TMTC2: variants seen among roughly 807,000 people sequenced by gnomAD.
The protein encoded by TMTC2 is protein O-mannosyl-transferase TMTC2.
In TMTC2, 43 loss-of-function variants were observed where a neutral mutation model predicts 82.4. The observed-to-expected ratio is 0.52, with a 90% CI of 0.41 to 0.67. The LOEUF is 0.67. Among genes scored for constraint, TMTC2 ranks in the 30% least tolerant of loss-of-function variants. The pLI, the probability that TMTC2 is intolerant of heterozygous loss-of-function variation, is 0.00. For missense variants in TMTC2, 919 were observed against 1,012.4 expected (o/e 0.91, Z 1.25); for synonymous variants, 408 against 381.9 (o/e 1.07, Z -0.80).
chr12:82,742,209 T>G (rs1464287612), intron 1 of TMTC2, among the ~76,000 whole-genome samples: 1 of 152,134 alleles, frequency 6.6e-6, no homozygotes, highest in Non-Finnish European at 1.5e-5. Flanking sequence ...TCTGCATCCT[T>G]ATGACCCAAA....
chr12:82,778,677 G>C (rs1473171839), intron 1 of TMTC2, among the ~76,000 whole-genome samples: 1 of 151,530 alleles, frequency 6.6e-6, no homozygotes, highest in African/African-American at 2.4e-5. Context: ...GTGAAACCCC[G>C]TCTCTACTAA....
intron 11 of TMTC2, among the ~76,000 whole-genome samples, chr12:83,129,826 G>T (rs1005620536): frequency 6.6e-6 from 1 of 152,134 alleles, no homozygotes; most frequent in Admixed American, 6.5e-5. Context: ...ATTTGTAAAG[G>T]AAACTGAGAT....
chr12:82,751,527 T>A (rs11115382), intron 1 of TMTC2, among the ~76,000 whole-genome samples: 1,968 of 152,048 alleles, frequency 0.013, 44 homozygotes, highest in African/African-American at 0.046. Context: ...TACTAAAACT[T>A]AAAGTATAAT....
intron 8 of TMTC2, among the ~76,000 whole-genome samples, chr12:83,005,725 A>G (rs1451741248): frequency 1.3e-5 from 2 of 152,146 alleles, no homozygotes; most frequent in Non-Finnish European, 2.9e-5. Context: ...GAATTGCCCC[A>G]GGGTGGGGTT....
intron 1 of TMTC2, among the ~76,000 whole-genome samples, chr12:82,693,331 A>G (rs1000196272): frequency 4.6e-5 from 7 of 152,194 alleles, no homozygotes; most frequent in Admixed American, 6.5e-5. Flanking sequence ...CCTAAGATTC[A>G]TGATTGGTAC....
chr12:83,116,210 A>AC (rs1334631325), intron 11 of TMTC2, among the ~76,000 whole-genome samples: 1 of 152,196 alleles, frequency 6.6e-6, no homozygotes, highest in East Asian at 1.9e-4. Context: ...CACTTAGAAT[A>AC]ATAGTCTCCA....
chr12:83,094,833 C>T (rs1264710134), intron 11 of TMTC2, among the ~76,000 whole-genome samples: 1 of 152,094 alleles, frequency 6.6e-6, no homozygotes, highest in Non-Finnish European at 1.5e-5. Context: ...GGAGGTCAAA[C>T]ATATCTGATG....
At chr12:82,770,374 A>G (rs966399527) in intron 1 of TMTC2, among the ~76,000 whole-genome samples, 3 of 152,162 alleles carry the variant, frequency 2.0e-5, no homozygotes, top group Non-Finnish European at 4.4e-5. Context: ...GTTTTACTCT[A>G]TTGCAGAAAA....
At chr12:83,056,416 A>G (rs1882544844) in intron 10 of TMTC2, among the ~76,000 whole-genome samples, 3 of 152,014 alleles carry the variant, frequency 2.0e-5, no homozygotes, top group African/African-American at 7.2e-5. Flanking sequence ...CAGAGTGAAT[A>G]TATGAGAAAG....
At chr12:82,845,261 A>T (rs1336569871) in intron 1 of TMTC2, among the ~76,000 whole-genome samples, 6 of 138,228 alleles carry the variant, frequency 4.3e-5, no homozygotes, top group Non-Finnish European at 7.7e-5. Context: ...AAATATATAT[A>T]TATATATATA....
chr12:82,956,628 A>G (rs988118971), intron 4 of TMTC2, among the ~76,000 whole-genome samples: 2 of 151,918 alleles, frequency 1.3e-5, no homozygotes, highest in Non-Finnish European at 2.9e-5. Flanking sequence ...TAATTTTTGT[A>G]TTTTTAGTAG....
chr12:83,045,701 G>A (rs1311610052), intron 9 of TMTC2, among the ~76,000 whole-genome samples: 2 of 49,688 alleles, frequency 4.0e-5, no homozygotes, highest in Admixed American at 1.9e-4. Context: ...GCAGGAAAGG[G>A]CTCCTTCACA....
intron 11 of TMTC2, among the ~76,000 whole-genome samples, chr12:83,130,599 G>T (rs952347139): frequency 5.3e-5 from 8 of 152,124 alleles, no homozygotes; most frequent in Admixed American, 2.6e-4. Context: ...GGGAATTTTA[G>T]TATCTATATC....
At chr12:82,907,185 C>T (rs898145769) in intron 3 of TMTC2, among the ~76,000 whole-genome samples, 1 of 151,946 alleles carries the variant, frequency 6.6e-6, no homozygotes, top group African/African-American at 2.4e-5. Context: ...GAATTGGGGC[C>T]GGGCGTGGTG....
chr12:83,054,031 A>T (rs1882446981), intron 10 of TMTC2, among the ~76,000 whole-genome samples: 1 of 152,174 alleles, frequency 6.6e-6, no homozygotes, highest in African/African-American at 2.4e-5. Context: ...CAATGAATGT[A>T]TGTGAATGTG....
intron 8 of TMTC2, chr12:82,986,413 A>T (rs1416240100): frequency 6.1e-6 from 1 of 162,700 alleles, no homozygotes; most frequent in East Asian, 1.7e-4. Flanking sequence ...TTAAAAAATT[A>T]AAAAAACAAA....
At chr12:82,704,553 A>G (rs1490389263) in intron 1 of TMTC2, among the ~76,000 whole-genome samples, 2 of 152,230 alleles carry the variant, frequency 1.3e-5, no homozygotes, top group Non-Finnish European at 2.9e-5. Flanking sequence ...AGAAACAGGC[A>G]TAAGTAACTC....
intron 4 of TMTC2, among the ~76,000 whole-genome samples, chr12:82,948,000 A>G (rs560413313): frequency 2.6e-5 from 4 of 152,246 alleles, no homozygotes; most frequent in African/African-American, 4.8e-5. Context: ...CTCATTCTCT[A>G]TGACCACTGA....
chr12:82,947,504 G>T (rs373618786), intron 4 of TMTC2, among the ~76,000 whole-genome samples: 2 of 149,050 alleles, frequency 1.3e-5, no homozygotes, highest in Admixed American at 6.6e-5. Flanking sequence ...CACCATGCCC[G>T]GCTAATTTTT....
Sources: gnomAD v4.1 joint callset for allele counts (sites outside exome capture counted in the v4.1 genomes callset) on GRCh38, gnomAD v4.1.1 for gene constraint, MANE v1.5 for transcripts, NCBI Gene and HGNC (gene_info 2026-07-23, HGNC 2026-07-21) for gene names.